NDST3: variants seen among roughly 807,000 people sequenced by gnomAD.
NDST3 encodes bifunctional heparan sulfate N-deacetylase/N-sulfotransferase 3.
A neutral mutation model predicts 96.1 loss-of-function variants in NDST3; 58 were observed. The ratio of observed to expected loss-of-function variants is 0.60; its 90% confidence interval spans 0.49 to 0.75. NDST3 has a LOEUF of 0.75. Among genes scored for constraint, NDST3 ranks in the 30% least tolerant of loss-of-function variants. The pLI is 0.00. For synonymous variants in NDST3, 333 were observed against 359.7 expected (o/e 0.93, Z 0.84); for missense variants, 788 against 1,034.2 (o/e 0.76, Z 3.27).
intron 4 of NDST3, among the ~76,000 whole-genome samples, chr4:118,123,993 A>T (rs1731829147): frequency 6.6e-6 from 1 of 152,110 alleles, no homozygotes; most frequent in South Asian, 2.1e-4. Flanking sequence ...CGTTTGGCTT[A>T]CAAAATGTCA....
intron 6 of NDST3, among the ~76,000 whole-genome samples, chr4:118,166,174 A>G (rs1287561845): frequency 5.9e-5 from 9 of 151,840 alleles, no homozygotes; most frequent in Non-Finnish European, 1.2e-4. Context: ...GTTACTAACA[A>G]AAAAGGAAGA....
At chr4:118,201,889 G>A (rs1738113609) in intron 6 of NDST3, among the ~76,000 whole-genome samples, 1 of 151,998 alleles carries the variant, frequency 6.6e-6, no homozygotes. Context: ...GTATTTCCTA[G>A]GTTGTCTTCC....
chr4:118,232,883 T>C lies in NDST3; in HGVS notation c.1820-129T>C. The C allele has an allele frequency of 4.1e-6, 4 of 973,788 alleles. No homozygotes were observed. The East Asian group carries it at 1.0e-4, about 24-fold the overall frequency. The allele number at this position is 973,788 out of a possible 1,614,324, so 60.3% of individuals were successfully genotyped here. ...ATTAAACTGCCGATTATCTATTCAA[T>C]TTATTTCCAGCAGTAGTTGTAATAA... On this transcript the variant is annotated intron_variant, in intron 8 of 13. Coordinates refer to ENST00000296499, the MANE Select transcript of NDST3 (RefSeq NM_004784.3).
At chr4:118,122,176 AGCCTTT>A (rs1407866562) in intron 4 of NDST3, among the ~76,000 whole-genome samples, 1 of 152,228 alleles carries the variant, frequency 6.6e-6, no homozygotes, top group Non-Finnish European at 1.5e-5. Flanking sequence ...ATGAACTAAC[AGCCTTT>A]ATGAATTCTC....
intron 6 of NDST3, among the ~76,000 whole-genome samples, chr4:118,204,025 TA>T (rs1398043586): frequency 1.3e-5 from 2 of 152,172 alleles, no homozygotes; most frequent in Non-Finnish European, 2.9e-5. Flanking sequence ...CCAAGCCAGT[TA>T]ATTATCAGAT....
chr4:118,107,497 T>C (rs1216099680), intron 3 of NDST3, among the ~76,000 whole-genome samples: 1 of 152,118 alleles, frequency 6.6e-6, no homozygotes, highest in African/African-American at 2.4e-5. Context: ...GCTCTCAAGA[T>C]ACACTGAAAA....
intron 12 of NDST3, among the ~76,000 whole-genome samples, chr4:118,251,125 A>ATTTTT (rs370800744): frequency 9.8e-5 from 11 of 111,736 alleles, no homozygotes; most frequent in Non-Finnish European, 1.5e-4. Context: ...TATTATTTTT[A>ATTTTT]TTTTATTTTT....
At chr4:118,202,392 CT>C (rs1156284168) in intron 6 of NDST3, among the ~76,000 whole-genome samples, 1 of 152,112 alleles carries the variant, frequency 6.6e-6, no homozygotes, top group Admixed American at 6.5e-5. Context: ...AGTGTTGAAT[CT>C]TTAACTTGCT....
intron 2 of NDST3, among the ~76,000 whole-genome samples, chr4:118,094,960 G>A (rs1384872207): frequency 6.6e-6 from 1 of 151,636 alleles, no homozygotes; most frequent in East Asian, 1.9e-4. Context: ...GTGAAGTGAT[G>A]GACATGTTAA....
intron 6 of NDST3, among the ~76,000 whole-genome samples, chr4:118,177,060 A>G (rs1235931872): frequency 1.3e-5 from 2 of 152,062 alleles, no homozygotes. Context: ...AGTAATAAGC[A>G]AATCAGGTGA....
chr4:118,146,116 A>AATCC (rs1158109798), intron 6 of NDST3, among the ~76,000 whole-genome samples: 1 of 152,260 alleles, frequency 6.6e-6, no homozygotes, highest in African/African-American at 2.4e-5. Context: ...CAGATGCAGT[A>AATCC]AGGCATGCCA....
Position 118,256,587 on chromosome 4 carries a change from T to C in NDST3, c.*875T>C, listed in dbSNP as rs1385357759. Reference sequence around the variant, plus strand: ...GCTGTAAGCTGTGAATCTATCCCAGTAGTCCTCACTAGTTCTACAGAAATG... The same window carrying C: ...GCTGTAAGCTGTGAATCTATCCCAGCAGTCCTCACTAGTTCTACAGAAATG... On this transcript the variant is annotated 3_prime_UTR_variant, in exon 14 of 14. Transcript: ENST00000296499. The C allele has an allele frequency of 6.6e-6, 1 of 152,192 alleles. No homozygotes were observed. Among genetic ancestry groups the C allele is most frequent in the East Asian group, 1.9e-4 (1 of 5,194 alleles). The allele number at this position is 152,192 out of a possible 1,614,324, so 9.4% of individuals were successfully genotyped here.
chr4:118,063,474 T>C (rs937555998), intron 2 of NDST3, among the ~76,000 whole-genome samples: 2 of 152,116 alleles, frequency 1.3e-5, no homozygotes, highest in African/African-American at 4.8e-5. Context: ...TTGGAGAAAA[T>C]TGTACGATTT....
chr4:118,253,527 C>T lies in NDST3; in HGVS notation c.2428C>T (p.Gln810Ter). ...TGATTCTCATAAAGGTTTCTGGTGTCAGTTACTGGAAGAAGGTAAAACAAA... is the reference window on the plus strand; with the variant it reads ...TGATTCTCATAAAGGTTTCTGGTGTTAGTTACTGGAAGAAGGTAAAACAAA... ...TFDSHKGFWCQLLEEGKTKCL... is the reference protein window; with the variant it reads ...TFDSHKGFWC Residue 810 changes from glutamine (Q) to a stop codon, truncating the protein, a stop_gained, in exon 13 of 14, where the codon CAG becomes TAG. Transcript: ENST00000296499. LOFTEE classifies it high-confidence loss of function. 1 of 1,610,778 alleles carries T rather than the reference C, an allele frequency of 6.2e-7. No individual in the cohort carries two copies. Among genetic ancestry groups the T allele is most frequent in the Non-Finnish European group, 8.5e-7 (1 of 1,178,182 alleles).
intron 6 of NDST3, among the ~76,000 whole-genome samples, chr4:118,170,311 G>A (rs990955927): frequency 2.0e-5 from 3 of 152,196 alleles, no homozygotes; most frequent in Admixed American, 6.5e-5. Context: ...ATGAGATTCA[G>A]TTATATAAAA....
chr4:118,114,863 G>T lies in NDST3; in HGVS notation c.1127G>T (p.Trp376Leu), dbSNP rs1461238041. 1.2e-6 allele frequency: 2 copies of T among 1,614,080 alleles called. No homozygotes were observed. Among genetic ancestry groups the T allele is most frequent in the South Asian group, 1.1e-5 (1 of 91,072 alleles). The change falls in exon 4 of 14, where the codon TGG (tryptophan) becomes TTG (leucine). Residue 376 changes from tryptophan to leucine, a missense_variant. Coordinates refer to ENST00000296499, the MANE Select transcript of NDST3 (RefSeq NM_004784.3). ...CTGTTGGGGTCTGTGGATGAGTTCT[G>T]GTGGTTTCCTCACATGTGGAGCCAT... ...DCLLGSVDEF[W>L]WFPHMWSHMQ...
chr4:118,060,174 T>C (rs1725779992), intron 2 of NDST3, among the ~76,000 whole-genome samples: 2 of 152,146 alleles, frequency 1.3e-5, no homozygotes, highest in African/African-American at 2.4e-5. Context: ...AAAAGAGTTA[T>C]GTTTAATTTT....
chr4:118,208,602 G>C (rs927040808), intron 6 of NDST3, among the ~76,000 whole-genome samples: 1 of 143,956 alleles, frequency 6.9e-6, no homozygotes, highest in Non-Finnish European at 1.5e-5. Flanking sequence ...TCAAGCCCTA[G>C]TATATTCTCT....
intron 4 of NDST3, among the ~76,000 whole-genome samples, chr4:118,122,938 C>A (rs1486665177): frequency 6.6e-6 from 1 of 152,238 alleles, no homozygotes; most frequent in East Asian, 1.9e-4. Context: ...GGTTTTATCC[C>A]AGGTCTGTCT....
Sources: gnomAD v4.1 joint callset for allele counts (sites outside exome capture counted in the v4.1 genomes callset) on GRCh38, gnomAD v4.1.1 for gene constraint, MANE v1.5 for transcripts, NCBI Gene and HGNC (gene_info 2026-07-23, HGNC 2026-07-21) for gene names.